Variants in LMBRD1 observed in about 807,000 individuals in gnomAD.
LMBRD1 encodes LMBR1 domain containing 1.
A neutral mutation model predicts 74.8 loss-of-function variants in LMBRD1; 64 were observed. That is an observed-to-expected ratio of 0.86 (90% CI 0.70 to 1.05). The LOEUF is 1.05. LMBRD1 is among the 50% of genes least tolerant of loss of function. The pLI is 0.00. For missense variants in LMBRD1, 652 were observed against 645.9 expected, an observed-to-expected ratio of 1.01 and a Z score of -0.10; for synonymous variants, 204 against 216.3, an observed-to-expected ratio of 0.94 and a Z score of 0.50.
intron 3 of LMBRD1, among the ~76,000 whole-genome samples, chr6:69,756,434 T>A (rs1446385870): frequency 6.6e-6 from 1 of 151,238 alleles, no homozygotes; most frequent in African/African-American, 2.4e-5. Flanking sequence ...CTCAACACCA[T>A]AAGTCATCAG....
At chr6:69,780,617 C>T in intron 2 of LMBRD1, 63 bp from the exon 3 acceptor site, 2 of 1,264,498 alleles carry the variant, frequency 1.6e-6, no homozygotes, top group African/African-American at 1.5e-5. Flanking sequence ...AATTAAAAGT[C>T]AAGTTTTAAT....
At chr6:69,700,230 C>CT in intron 12 of LMBRD1, among the ~76,000 whole-genome samples, 1 of 151,912 alleles carries the variant, frequency 6.6e-6, no homozygotes, top group Middle Eastern at 3.4e-3. Flanking sequence ...GAAGTAGTGT[C>CT]TACCTGATAC....
intron 3 of LMBRD1, among the ~76,000 whole-genome samples, chr6:69,779,517 G>T (rs9342774): frequency 0.33 from 50,875 of 151,962 alleles, 9,630 homozygotes; most frequent in East Asian, 0.54. Flanking sequence ...ATGACTCTGT[G>T]GAGAGTAAAG....
chr6:69,697,564 T>A lies in LMBRD1; in HGVS notation c.1416A>T (p.Glu472Asp), dbSNP rs753728410. ...AGTTCTAAAACAAGCTGTTTTTACC[T>A]TCAGGAGCATCTGCATCACATCTCT... Reference protein sequence around the residue: ...VPKRCDADAPEDQCTVTRTYL... With the variant: ...VPKRCDADAPDDQCTVTRTYL... The change falls in exon 14 of 16, where the codon GAA becomes GAT. Residue 472 changes from glutamate to aspartate, a missense_variant and splice_region_variant. By Grantham distance (45) the Glu-to-Asp change is conservative. This residue lies in a region of LMBRD1 where 598 missense variants were observed against 581.8 expected (regional missense o/e 1.03). Coordinates refer to ENST00000649934, the MANE Select transcript of LMBRD1 (RefSeq NM_018368.4). 1.9e-6 allele frequency: 3 copies of A among 1,595,890 alleles called. No individual in the cohort carries two copies. Among genetic ancestry groups the A allele is most frequent in the Non-Finnish European group, 2.6e-6 (3 of 1,164,210 alleles).
At chr6:69,727,856 T>G (rs1490704466) in intron 7 of LMBRD1, among the ~76,000 whole-genome samples, 1 of 152,194 alleles carries the variant, frequency 6.6e-6, no homozygotes, top group Non-Finnish European at 1.5e-5. Context: ...TTTTAACCTA[T>G]TTAATTTGGT....
intron 14 of LMBRD1, among the ~76,000 whole-genome samples, chr6:69,679,654 C>A (rs1765621076): frequency 6.6e-6 from 1 of 151,890 alleles, no homozygotes; most frequent in South Asian, 2.1e-4. Context: ...GAAATTAAAG[C>A]ATAACTAAAA....
At chr6:69,717,281 CT>C (rs869072529) in intron 8 of LMBRD1, among the ~76,000 whole-genome samples, 1 of 151,884 alleles carries the variant, frequency 6.6e-6, no homozygotes, top group Non-Finnish European at 1.5e-5. Context: ...AGTTATTTTC[CT>C]TTTTCCCCCT....
chr6:69,723,172 A>G (rs1766654566), intron 7 of LMBRD1, among the ~76,000 whole-genome samples: 1 of 152,164 alleles, frequency 6.6e-6, no homozygotes, highest in Non-Finnish European at 1.5e-5. Context: ...CCAGATATAT[A>G]AAGCAAATAT....
chr6:69,752,402 C>T, intron 3 of LMBRD1, 46 bp from the exon 4 acceptor site: 4 of 1,434,182 alleles, frequency 2.8e-6, no homozygotes, highest in Non-Finnish European at 2.9e-6. Flanking sequence ...TACATATGTA[C>T]TTAATCATGG....
At chr6:69,705,916 G>A in intron 9 of LMBRD1, 1 of 1,264,032 alleles carries the variant, frequency 7.9e-7, no homozygotes, top group Non-Finnish European at 1.1e-6. Context: ...TGGCTGTACA[G>A]ACATTTTCAA....
At chr6:69,687,940 T>C (rs566265581) in intron 14 of LMBRD1, among the ~76,000 whole-genome samples, 22 of 152,268 alleles carry the variant, frequency 1.4e-4, no homozygotes, top group Non-Finnish European at 2.8e-4. Context: ...TTCTTAGTTA[T>C]ATACTTTCAG....
chr6:69,792,543 A>G (rs751790008), intron 1 of LMBRD1, among the ~76,000 whole-genome samples: 1 of 152,234 alleles, frequency 6.6e-6, no homozygotes, highest in Non-Finnish European at 1.5e-5. Context: ...GAATTGACTG[A>G]GAAGGGAGTT....
chr6:69,704,416 T>C lies in LMBRD1; in HGVS notation c.916-2463A>G, dbSNP rs191672618. ...ACTAATGTATTTACTTATGTCAATA[T>C]AGACTTATATTTTATTCAATTAGTT... On this transcript the variant is annotated intron_variant, in intron 9 of 15. Transcript: ENST00000649934. Among the ~76,000 whole-genome samples the C allele has an allele frequency of 7.9e-5, 12 of 152,250 alleles. No individual in the cohort carries two copies. In the East Asian group the frequency reaches 1.2e-3, roughly 15 times the overall value.
chr6:69,729,678 A>G (rs964173607), intron 7 of LMBRD1, among the ~76,000 whole-genome samples: 1 of 152,056 alleles, frequency 6.6e-6, no homozygotes, highest in Non-Finnish European at 1.5e-5. Flanking sequence ...AAAATATTTT[A>G]TAAAATAAAA....
intron 10 of LMBRD1, among the ~76,000 whole-genome samples, 157 bp downstream of exon 10, chr6:69,701,732 T>C (rs947301549): frequency 6.6e-5 from 10 of 151,932 alleles, no homozygotes; most frequent in Non-Finnish European, 1.2e-4. Flanking sequence ...ACTCTATTAT[T>C]GGACGTTTTA....
At chr6:69,712,250 A>ATATTAAAGT (rs1766398939) in intron 9 of LMBRD1, among the ~76,000 whole-genome samples, 1 of 152,174 alleles carries the variant, frequency 6.6e-6, no homozygotes, top group Non-Finnish European at 1.5e-5. Flanking sequence ...AGTCTCAGCC[A>ATATTAAAGT]TATTAAAGTG....
intron 9 of LMBRD1, chr6:69,705,598 C>T (rs572469376): frequency 1.2e-5 from 12 of 1,037,338 alleles, no homozygotes; most frequent in African/African-American, 1.6e-5. Context: ...GATTTCTTCA[C>T]TGGTGATTTT....
intron 8 of LMBRD1, among the ~76,000 whole-genome samples, chr6:69,717,840 G>C (rs981577108): frequency 5.9e-5 from 9 of 152,108 alleles, no homozygotes; most frequent in African/African-American, 2.2e-4. Context: ...TGGGACTATA[G>C]GCATGCCAGT....
At chr6:69,784,484 T>C (rs1020438917) in intron 2 of LMBRD1, among the ~76,000 whole-genome samples, 1 of 152,166 alleles carries the variant, frequency 6.6e-6, no homozygotes, top group African/African-American at 2.4e-5. Flanking sequence ...CATTTGACAA[T>C]GTCCGGAGAC....
Sources: allele counts gnomAD v4.1 joint callset (sites outside exome capture counted in the v4.1 genomes callset), GRCh38; gene constraint gnomAD v4.1.1; regional missense constraint gnomAD v4.1.1; transcripts MANE v1.5; gene names NCBI Gene and HGNC (gene_info 2026-07-23, HGNC 2026-07-21).